CDH18: variants seen among roughly 807,000 people sequenced by gnomAD.
CDH18 encodes cadherin-18.
CDH18 carries 31 observed loss-of-function variants against 67.9 expected under a neutral mutation model. That is an observed-to-expected ratio of 0.46 (90% CI 0.34 to 0.62). The LOEUF (loss-of-function observed/expected upper bound fraction) is 0.62. Ranked by LOEUF, CDH18 falls within the 20% of genes least tolerant of loss-of-function variation. CDH18 has a pLI of 0.01. For synonymous variants in CDH18, 362 were observed against 347.2 expected (o/e 1.04, Z -0.48); for missense variants, 890 against 975.5 (o/e 0.91, Z 1.17).
intron 2 of CDH18, among the ~76,000 whole-genome samples, chr5:20,022,056 G>C (rs1187561971): frequency 2.6e-5 from 4 of 152,144 alleles, no homozygotes; most frequent in Non-Finnish European, 5.9e-5. Context: ...TTTTTCAAAG[G>C]ATTAATCACA....
At chr5:19,802,457 C>G (rs1777570946) in intron 3 of CDH18, among the ~76,000 whole-genome samples, 1 of 152,006 alleles carries the variant, frequency 6.6e-6, no homozygotes, top group Non-Finnish European at 1.5e-5. Flanking sequence ...ATGCTGCTTA[C>G]TTTAAAATAA....
At chr5:19,936,758 T>C (rs1794317872) in intron 2 of CDH18, among the ~76,000 whole-genome samples, 1 of 151,056 alleles carries the variant, frequency 6.6e-6, no homozygotes, top group Non-Finnish European at 1.5e-5. Context: ...AACACTCTCC[T>C]CTTAAAATAT....
intron 9 of CDH18, among the ~76,000 whole-genome samples, chr5:19,536,297 T>G (rs1011336073): frequency 6.6e-6 from 1 of 152,188 alleles, no homozygotes; most frequent in Non-Finnish European, 1.5e-5. Flanking sequence ...GTTGAAAAAC[T>G]TTTACAGTTG....
In CDH18 at chr5:19,747,194, T is replaced by C; in HGVS notation, c.271A>G (p.Ile91Val). Reference sequence around the variant, plus strand: ...GTCCCAGCACCCTCTCCAGTAAGGATGTACTTGACAGATCCATCACCTTTG... The same window carrying C: ...GTCCCAGCACCCTCTCCAGTAAGGACGTACTTGACAGATCCATCACCTTTG... ...SDKGDGSVKY[I>V]LTGEGAGTIF... Residue 91 changes from isoleucine (I) to valine (V), a missense_variant, in exon 4 of 13, where the codon ATC becomes GTC. Ile to Val is a conservative substitution (Grantham distance 29). Transcript: ENST00000382275. 1.9e-6 allele frequency: 3 copies of C among 1,613,982 alleles called. No homozygotes were observed. Among genetic ancestry groups the C allele is most frequent in the Non-Finnish European group, 2.5e-6 (3 of 1,179,864 alleles).
At chr5:20,198,608 T>A (rs551456189) in intron 2 of CDH18, among the ~76,000 whole-genome samples, 39 of 152,220 alleles carry the variant, frequency 2.6e-4, no homozygotes, top group African/African-American at 3.6e-4. Flanking sequence ...CCCATTTTTT[T>A]AAGAAAATGC....
intron 1 of CDH18, among the ~76,000 whole-genome samples, chr5:20,356,743 C>CTA (rs1252403803): frequency 7.0e-5 from 10 of 142,726 alleles, no homozygotes; most frequent in South Asian, 4.4e-4. Context: ...CTCTCTCTCT[C>CTA]TCTCTCTCTC....
chr5:19,783,053 A>C (rs1467714669), intron 3 of CDH18, among the ~76,000 whole-genome samples: 1 of 152,196 alleles, frequency 6.6e-6, no homozygotes, highest in African/African-American at 2.4e-5. Flanking sequence ...ACAGATGTAA[A>C]ATGTATTTGA....
chr5:19,534,640 T>C (rs757994605), intron 9 of CDH18, among the ~76,000 whole-genome samples: 9 of 152,158 alleles, frequency 5.9e-5, no homozygotes, highest in Non-Finnish European at 1.0e-4. Flanking sequence ...CTTGTGTGCT[T>C]TTTTACATAT....
chr5:20,278,610 T>C (rs925193687), intron 1 of CDH18, among the ~76,000 whole-genome samples: 4 of 152,114 alleles, frequency 2.6e-5, no homozygotes, highest in Non-Finnish European at 2.9e-5. Flanking sequence ...ACATCGAATA[T>C]GATAATATTG....
intron 12 of CDH18, chr5:19,478,471 A>G (rs1738865360): frequency 1.3e-5 from 2 of 152,194 alleles, no homozygotes; most frequent in South Asian, 4.1e-4. Context: ...ACACAAAACC[A>G]TTTGAAATAG....
chr5:20,505,942 A>G (rs1754631939), intron 1 of CDH18, among the ~76,000 whole-genome samples: 1 of 152,166 alleles, frequency 6.6e-6, no homozygotes, highest in Non-Finnish European at 1.5e-5. Context: ...CCACACTCAC[A>G]CATGTGCTAT....
chr5:19,799,595 G>A (rs571262502), intron 3 of CDH18, among the ~76,000 whole-genome samples: 43 of 151,982 alleles, frequency 2.8e-4, no homozygotes, highest in South Asian at 6.2e-4. Context: ...ACATTATCTA[G>A]GAGTAATTTT....
intron 1 of CDH18, among the ~76,000 whole-genome samples, chr5:20,398,436 C>T (rs1032411865): frequency 6.6e-6 from 1 of 151,986 alleles, no homozygotes; most frequent in African/African-American, 2.4e-5. Context: ...AACAAGAGAG[C>T]AAAATTTTAA....
At chr5:19,478,009 G>A (rs371786595) in intron 12 of CDH18, among the ~76,000 whole-genome samples, 59 of 152,104 alleles carry the variant, frequency 3.9e-4, no homozygotes, top group African/African-American at 9.6e-4. Flanking sequence ...TTAAATGCCC[G>A]TGAGATTATC....
intron 3 of CDH18, among the ~76,000 whole-genome samples, chr5:19,791,662 C>T (rs537747876): frequency 6.6e-6 from 1 of 152,134 alleles, no homozygotes; most frequent in African/African-American, 2.4e-5. Context: ...TTCACAGGAA[C>T]AAAAACACAG....
At chr5:20,305,475 G>T in intron 1 of CDH18, 2 of 1,281,262 alleles carry the variant, frequency 1.6e-6, no homozygotes, top group Non-Finnish European at 1.1e-6. Flanking sequence ...AGCGGCCGCC[G>T]CTGCACTCGC....
rs116094733 is a variant in CDH18 at position 20,476,572 on chromosome 5, G to A, written c.-580+98890C>T. ...CTAATTCAATAATTATACCTGTTAC[G>A]TGCACTTTATATTATTTTTAGACAT... On this transcript the variant is annotated intron_variant, in intron 1 of 14. Transcript: ENST00000507958. Among the ~76,000 whole-genome samples, 1,451 of 152,014 alleles carry A rather than the reference G, an allele frequency of 9.5e-3. 32 individuals carry two copies. Among genetic ancestry groups the A allele is most frequent in the Admixed American group, 0.043 (658 of 15,268 alleles).
At chr5:19,920,981 T>C (rs1792376711) in intron 2 of CDH18, among the ~76,000 whole-genome samples, 1 of 150,746 alleles carries the variant, frequency 6.6e-6, no homozygotes, top group Non-Finnish European at 1.5e-5. Context: ...GAGGGAAAGA[T>C]GAGTCATTTA....
chr5:20,487,287 T>A (rs886796284), intron 1 of CDH18, among the ~76,000 whole-genome samples: 4 of 151,554 alleles, frequency 2.6e-5, no homozygotes, highest in African/African-American at 7.3e-5. Context: ...GAATCCCCAC[T>A]CATCTAAAAA....
Sources: allele counts gnomAD v4.1 joint callset (sites outside exome capture counted in the v4.1 genomes callset), GRCh38; gene constraint gnomAD v4.1.1; transcripts MANE v1.5; gene names NCBI Gene and HGNC (gene_info 2026-07-23, HGNC 2026-07-21).